Variants in WRN observed in about 807,000 individuals in gnomAD.
WRN encodes bifunctional 3'-5' exonuclease/ATP-dependent helicase WRN.
In WRN, 149 loss-of-function variants were observed where a neutral mutation model predicts 180.7. The observed-to-expected ratio is 0.82, with a 90% CI of 0.72 to 0.94. The LOEUF is 0.94. WRN is among the 40% of genes least tolerant of loss of function. The pLI, the probability that WRN is intolerant of heterozygous loss-of-function variation, is 0.00. For synonymous variants in WRN, 548 were observed against 568.9 expected, an observed-to-expected ratio of 0.96 and a Z score of 0.52; for missense variants, 1,661 against 1,700.1, an observed-to-expected ratio of 0.98 and a Z score of 0.40.
chr8:31,039,980 G>A (rs1585382114), intron 1 of WRN, among the ~76,000 whole-genome samples: 1 of 152,282 alleles, frequency 6.6e-6, no homozygotes, highest in East Asian at 1.9e-4. Context: ...AGGCCATAGG[G>A]AAAAGCAGGT....
intron 10 of WRN, among the ~76,000 whole-genome samples, chr8:31,084,883 A>G (rs1296844234): frequency 2.6e-5 from 4 of 151,870 alleles, no homozygotes; most frequent in Admixed American, 2.0e-4. Flanking sequence ...CCTGAGTTGA[A>G]CTTGTCATTT....
chr8:31,143,704 G>T, intron 28 of WRN, 81 bp downstream of exon 28: 1 of 1,022,818 alleles, frequency 9.8e-7, no homozygotes. Flanking sequence ...GTCAGATGTT[G>T]GGCTATTTCA....
intron 3 of WRN, among the ~76,000 whole-genome samples, chr8:31,060,377 AGT>A (rs1491157472): frequency 2.0e-5 from 3 of 152,142 alleles, no homozygotes; most frequent in Non-Finnish European, 4.4e-5. Flanking sequence ...GACCAGCCAT[AGT>A]AAGACCCCCA....
chr8:31,076,083 A>G (rs1304426556), intron 7 of WRN, 90 bp from the exon 8 acceptor site: 1 of 1,082,198 alleles, frequency 9.2e-7, no homozygotes, highest in Non-Finnish European at 1.4e-6. Context: ...GAAAATGAAA[A>G]TTTGATCCCT....
chr8:31,160,837 A>C (rs1803583398), intron 33 of WRN, among the ~76,000 whole-genome samples: 1 of 152,002 alleles, frequency 6.6e-6, no homozygotes, highest in Non-Finnish European at 1.5e-5. Context: ...TACCAAAATT[A>C]GCTGGGCTTG....
intron 3 of WRN, among the ~76,000 whole-genome samples, chr8:31,060,678 T>C (rs1463031126): frequency 6.6e-6 from 1 of 152,248 alleles, no homozygotes; most frequent in African/African-American, 2.4e-5. Flanking sequence ...TTGGGACTCA[T>C]TATACTGAAT....
intron 1 of WRN, among the ~76,000 whole-genome samples, chr8:31,048,144 C>G (rs1287961395): frequency 1.3e-5 from 2 of 152,150 alleles, no homozygotes; most frequent in Non-Finnish European, 2.9e-5. Flanking sequence ...ACAAGTCTCT[C>G]AAAAATCATC....
At chr8:31,149,466 T>TG (rs1803016273) in intron 30 of WRN, among the ~76,000 whole-genome samples, 1 of 45,562 alleles carries the variant, frequency 2.2e-5, no homozygotes, top group Non-Finnish European at 4.8e-5. Flanking sequence ...TTTTTTTTTT[T>TG]TTTTTTTTTT....
At chr8:31,124,493 C>T (rs779819712) in intron 21 of WRN, 29 bp from the exon 22 acceptor site, 9 of 1,533,630 alleles carry the variant, frequency 5.9e-6, no homozygotes, top group East Asian at 2.3e-5. Flanking sequence ...TACAGTTTTA[C>T]ATATTCCTGT....
chr8:31,102,563 A>G (rs1201500262), intron 18 of WRN, among the ~76,000 whole-genome samples: 3 of 152,218 alleles, frequency 2.0e-5, no homozygotes, highest in African/African-American at 7.2e-5. Flanking sequence ...GGCAATTGTA[A>G]TACAATGGTA....
At chr8:31,112,815 T>G (rs571723376) in intron 19 of WRN, among the ~76,000 whole-genome samples, 2 of 151,982 alleles carry the variant, frequency 1.3e-5, no homozygotes, top group South Asian at 4.2e-4. Context: ...CTCGAACTCC[T>G]GACCTCAAGT....
At chr8:31,086,838 AT>A (rs1404551922) in intron 11 of WRN, among the ~76,000 whole-genome samples, 1 of 152,172 alleles carries the variant, frequency 6.6e-6, no homozygotes, top group Non-Finnish European at 1.5e-5. Context: ...TTAATTATCC[AT>A]TTCTCTGAGA....
At chr8:31,060,302 C>A (rs1812440882) in intron 3 of WRN, among the ~76,000 whole-genome samples, 1 of 152,170 alleles carries the variant, frequency 6.6e-6, no homozygotes, top group East Asian at 1.9e-4. Context: ...CACAGTGGCT[C>A]ATGCCTATAA....
At chr8:31,167,539 T>C (rs1803949507) in intron 34 of WRN, among the ~76,000 whole-genome samples, 1 of 152,118 alleles carries the variant, frequency 6.6e-6, no homozygotes, top group Non-Finnish European at 1.5e-5. Flanking sequence ...TTTAAGCATA[T>C]GGCAGTTTAT....
chr8:31,124,733 G>C, intron 22 of WRN, 110 bp downstream of exon 22: 2 of 1,265,078 alleles, frequency 1.6e-6, no homozygotes, highest in South Asian at 2.6e-5. Flanking sequence ...TTTTGTTGCT[G>C]TTACATGTGT....
At chr8:31,127,436 CAA>C (rs1801969024) in intron 23 of WRN, among the ~76,000 whole-genome samples, 1 of 151,962 alleles carries the variant, frequency 6.6e-6, no homozygotes, top group South Asian at 2.1e-4. Flanking sequence ...AAAATAAAAA[CAA>C]ATTATTTACC....
In WRN at chr8:31,055,115, A is replaced by G. The variant is rs1051009391; in HGVS notation, c.-76-3257A>G. The stretch of plus-strand genomic sequence containing the variant: ...GTACCACATTTTCTTTATCTAGTCT[A>G]TCATTGATGGGCATTTGGTTTTTTT... On this transcript the variant is annotated intron_variant, in intron 1 of 34. Coordinates refer to ENST00000298139, the MANE Select transcript of WRN (RefSeq NM_000553.6). 4.6e-5 allele frequency among the ~76,000 whole-genome samples: 7 copies of G among 152,080 alleles called. No individual in the cohort carries two copies. The East Asian group carries it at 7.7e-4, about 17-fold the overall frequency.
At chr8:31,136,982 G>C (rs1802424205) in intron 24 of WRN, among the ~76,000 whole-genome samples, 1 of 151,746 alleles carries the variant, frequency 6.6e-6, no homozygotes, top group Non-Finnish European at 1.5e-5. Context: ...ACAATTAACA[G>C]AGGAGGCCTT....
intron 23 of WRN, among the ~76,000 whole-genome samples, chr8:31,129,275 C>T (rs1802052827): frequency 6.6e-6 from 1 of 152,220 alleles, no homozygotes; most frequent in Non-Finnish European, 1.5e-5. Flanking sequence ...AGCCATCACG[C>T]TTGACTAATG....
Sources: allele counts gnomAD v4.1 joint callset (sites outside exome capture counted in the v4.1 genomes callset), GRCh38; gene constraint gnomAD v4.1.1; transcripts MANE v1.5; gene names NCBI Gene and HGNC (gene_info 2026-07-23, HGNC 2026-07-21).